The following PCP4 variants were observed in gnomAD, a reference collection of about 807,000 sequenced individuals.
PCP4 encodes the protein calmodulin regulator protein PCP4.
A neutral mutation model predicts 10.0 loss-of-function variants in PCP4; 8 were observed. That is an observed-to-expected ratio of 0.80 (90% CI 0.47 to 1.45). PCP4 has a LOEUF of 1.45. Among genes scored for constraint, PCP4 ranks in the 40% most tolerant of loss-of-function variants. PCP4 has a pLI of 0.00. For synonymous variants in PCP4, 21 were observed against 23.0 expected, an observed-to-expected ratio of 0.91 and a Z score of 0.24; for missense variants, 54 against 74.4, an observed-to-expected ratio of 0.73 and a Z score of 1.01.
intron 1 of PCP4, among the ~76,000 whole-genome samples, chr21:39,887,355 G>GT (rs770710034): frequency 2.4e-5 from 3 of 125,532 alleles, no homozygotes; most frequent in East Asian, 2.3e-4. Context: ...TTTGTTTTTT[G>GT]GTTTTTTTTT....
At chr21:39,903,115 A>C (rs928635672) in intron 2 of PCP4, among the ~76,000 whole-genome samples, 1 of 152,208 alleles carries the variant, frequency 6.6e-6, no homozygotes, top group African/African-American at 2.4e-5. Context: ...ATTGACACAC[A>C]AAAGCAGAAA....
chr21:39,899,935 G>A (rs1204599620), intron 2 of PCP4, among the ~76,000 whole-genome samples: 4 of 152,300 alleles, frequency 2.6e-5, no homozygotes, highest in East Asian at 1.9e-4. Flanking sequence ...TCATACATTC[G>A]TAGCCATCTG....
intron 2 of PCP4, among the ~76,000 whole-genome samples, chr21:39,923,760 C>T (rs2087608095): frequency 6.6e-6 from 1 of 152,216 alleles, no homozygotes; most frequent in South Asian, 2.1e-4. Context: ...CTGGACATGA[C>T]AATGGCATTC....
chr21:39,894,160 G>A (rs1314232061), intron 1 of PCP4, among the ~76,000 whole-genome samples: 1 of 152,158 alleles, frequency 6.6e-6, no homozygotes, highest in East Asian at 1.9e-4. Flanking sequence ...CAAGACTCAT[G>A]GTGGCATTCT....
intron 1 of PCP4, among the ~76,000 whole-genome samples, chr21:39,880,493 G>T (rs1244906510): frequency 6.6e-6 from 1 of 152,150 alleles, no homozygotes; most frequent in African/African-American, 2.4e-5. Flanking sequence ...GTGTGAGTGT[G>T]TGTGTATACG....
At chr21:39,897,873 T>C (rs1477194330) in intron 1 of PCP4, among the ~76,000 whole-genome samples, 3 of 151,968 alleles carry the variant, frequency 2.0e-5, no homozygotes, top group East Asian at 1.9e-4. Flanking sequence ...GGCAAAACTC[T>C]GTCTCTACTA....
intron 2 of PCP4, among the ~76,000 whole-genome samples, chr21:39,900,868 T>TAC (rs530747104): frequency 3.9e-5 from 6 of 152,158 alleles, no homozygotes; most frequent in African/African-American, 1.4e-4. Flanking sequence ...GTATCTGCCA[T>TAC]ACACTGTCTC....
intron 1 of PCP4, among the ~76,000 whole-genome samples, chr21:39,887,555 A>T (rs1465039141): frequency 6.6e-6 from 1 of 152,120 alleles, no homozygotes; most frequent in Non-Finnish European, 1.5e-5. Flanking sequence ...TGCTCATCAG[A>T]CAAATTCAGC....
intron 1 of PCP4, among the ~76,000 whole-genome samples, chr21:39,881,800 C>T (rs1196513465): frequency 2.6e-5 from 4 of 152,152 alleles, no homozygotes; most frequent in Non-Finnish European, 5.9e-5. Flanking sequence ...AGAAAGGGGG[C>T]GTCCAAGTCA....
At chr21:39,880,182 CTA>C (rs1227077356) in intron 1 of PCP4, among the ~76,000 whole-genome samples, 9 of 145,270 alleles carry the variant, frequency 6.2e-5, no homozygotes, top group African/African-American at 2.4e-4. Context: ...ATATCTATAT[CTA>C]TATCTATCTA....
chr21:39,916,565 A>G (rs970142219), intron 2 of PCP4, among the ~76,000 whole-genome samples: 5 of 152,238 alleles, frequency 3.3e-5, no homozygotes, highest in Non-Finnish European at 5.9e-5. Flanking sequence ...CAATTCCTCA[A>G]AGATCTAGAA....
intron 2 of PCP4, among the ~76,000 whole-genome samples, chr21:39,910,659 A>G (rs1037325349): frequency 6.6e-6 from 1 of 152,220 alleles, no homozygotes; most frequent in African/African-American, 2.4e-5. Context: ...AAGATAGAGC[A>G]ATGTTTAGCA....
chr21:39,910,782 A>G (rs1392917218), intron 2 of PCP4, among the ~76,000 whole-genome samples: 1 of 152,116 alleles, frequency 6.6e-6, no homozygotes, highest in Non-Finnish European at 1.5e-5. Flanking sequence ...CCCTTTAGCC[A>G]TTTCCCCGGT....
intron 1 of PCP4, among the ~76,000 whole-genome samples, chr21:39,878,575 A>G (rs1040912123): frequency 1.3e-5 from 2 of 152,244 alleles, no homozygotes; most frequent in African/African-American, 4.8e-5. Context: ...TCTTCTGTAT[A>G]TTGGAAAGAG....
intron 2 of PCP4, among the ~76,000 whole-genome samples, chr21:39,928,421 T>C (rs925812094): frequency 6.6e-5 from 10 of 152,142 alleles, no homozygotes; most frequent in Admixed American, 3.9e-4. Flanking sequence ...GTCTACCTCA[T>C]AGGAACAAGA....
chr21:39,888,080 C>G (rs1451115871), intron 1 of PCP4, among the ~76,000 whole-genome samples: 2 of 152,114 alleles, frequency 1.3e-5, no homozygotes, highest in Admixed American at 1.3e-4. Flanking sequence ...AACCCTGAAA[C>G]CATTAGAAGT....
At chr21:39,870,746 G>C (rs903867892) in intron 1 of PCP4, among the ~76,000 whole-genome samples, 1 of 152,204 alleles carries the variant, frequency 6.6e-6, no homozygotes. Flanking sequence ...GGTTGGAGAC[G>C]TTCCAGGTCA....
rs75788004 is a variant in PCP4 at position 39,906,978 on chromosome 21, C to G, written c.61+8451C>G. ...TTTAAGTAGGTGAAACACTCATAAT[C>G]TTATTTATAGAATTAATGTGCACAG... is the stretch of plus-strand genomic sequence containing the variant. On this transcript the variant is annotated intron_variant, in intron 2 of 2. Coordinates refer to ENST00000328619, the MANE Select transcript of PCP4 (RefSeq NM_006198.3). The surrounding 1 kb of genome is among the most constrained non-coding windows in gnomAD (Gnocchi z 6.3). 0.038 allele frequency among the ~76,000 whole-genome samples: 5,846 copies of G among 152,248 alleles called. 166 individuals are homozygous for G. The highest frequency in any genetic ancestry group is 0.061 in the Non-Finnish European group (4,126 of 68,022).
Position 39,929,179 on chromosome 21 carries a change from GAAC to G in PCP4, c.*73_*75del. ...ACCATCATCTGTCAAGAAATTAAAA[GAAC>G]AACACCCTAGAGAGAAGTCATCCAC... On this transcript the variant is annotated 3_prime_UTR_variant, in exon 3 of 3. Coordinates refer to ENST00000328619, the MANE Select transcript of PCP4 (RefSeq NM_006198.3). 4 of 1,505,948 alleles carry G rather than the reference GAAC, an allele frequency of 2.7e-6. No homozygotes were observed. Among genetic ancestry groups the G allele is most frequent in the Non-Finnish European group, 2.7e-6 (3 of 1,104,574 alleles). 93.3% of individuals were successfully genotyped at this position (1,505,948 alleles called of 1,614,324 possible). A position where few individuals can be genotyped will look rare whatever the true frequency, so the allele number is the denominator to read the frequency against.
Sources: gnomAD v4.1 joint callset for allele counts (sites outside exome capture counted in the v4.1 genomes callset) on GRCh38, gnomAD v4.1.1 for gene constraint, Gnocchi (gnomAD v3.1) non-coding constraint, MANE v1.5 for transcripts, NCBI Gene and HGNC (gene_info 2026-07-23, HGNC 2026-07-21) for gene names.